The following INTS4 variants were observed in gnomAD, a reference collection of about 807,000 sequenced individuals.
The protein encoded by INTS4 is integrator complex subunit 4, also known as MSTP093.
Under a neutral mutation model 119.5 loss-of-function variants are expected in INTS4, and 70 were observed. That is an observed-to-expected ratio of 0.59 (90% CI 0.48 to 0.71). INTS4 has a LOEUF of 0.71. Among genes scored for constraint, INTS4 ranks in the 30% least tolerant of loss-of-function variants. The pLI, the probability that INTS4 is intolerant of heterozygous loss-of-function variation, is 0.00. For missense variants in INTS4, 867 were observed against 1,173.2 expected (o/e 0.74, Z 3.81); for synonymous variants, 316 against 419.6 (o/e 0.75, Z 3.02).
intron 14 of INTS4, among the ~76,000 whole-genome samples, chr11:77,919,947 T>C (rs1953300220): frequency 6.6e-6 from 1 of 152,052 alleles, no homozygotes; most frequent in Non-Finnish European, 1.5e-5. Context: ...TAGCTAGGAC[T>C]ACAGGTGCCC....
intron 18 of INTS4, among the ~76,000 whole-genome samples, chr11:77,900,100 CT>C (rs139576778): frequency 1.1e-3 from 161 of 147,230 alleles, no homozygotes; most frequent in Admixed American, 1.2e-3. Flanking sequence ...ATATGAATAT[CT>C]TTTTTTTTTT....
At chr11:77,933,384 G>C (rs1455416571) in intron 10 of INTS4, among the ~76,000 whole-genome samples, 1 of 69,748 alleles carries the variant, frequency 1.4e-5, no homozygotes, top group African/African-American at 6.1e-5. Context: ...CGCCACGTCT[G>C]ACTGGTTTTC....
intron 14 of INTS4, among the ~76,000 whole-genome samples, chr11:77,920,725 G>A (rs900249878): frequency 7.4e-4 from 113 of 151,828 alleles, no homozygotes; most frequent in Admixed American, 2.0e-3. Flanking sequence ...GGTGGCAGGC[G>A]CCTGTAGTCC....
intron 8 of INTS4, among the ~76,000 whole-genome samples, chr11:77,945,767 T>G (rs1035677585): frequency 1.3e-5 from 2 of 152,132 alleles, no homozygotes; most frequent in African/African-American, 4.8e-5. Context: ...GCCCACGCCC[T>G]GCCTGACAGC....
At chr11:77,966,685 A>G (rs1415628549) in intron 4 of INTS4, among the ~76,000 whole-genome samples, 3 of 152,172 alleles carry the variant, frequency 2.0e-5, no homozygotes, top group African/African-American at 7.2e-5. Flanking sequence ...TTTGACTACA[A>G]ATGCTTTATA....
intron 19 of INTS4, among the ~76,000 whole-genome samples, chr11:77,893,861 C>T (rs566448916): frequency 2.0e-5 from 3 of 150,176 alleles, no homozygotes; most frequent in Non-Finnish European, 3.0e-5. Flanking sequence ...CCACTGTACT[C>T]CAGCCTGGGT....
intron 18 of INTS4, 72 bp from the exon 19 acceptor site, chr11:77,894,421 C>T: frequency 1.3e-6 from 1 of 784,934 alleles, no homozygotes; most frequent in South Asian, 1.6e-5. Context: ...GTCCCAGAAA[C>T]CTGAGCCTAA....
chr11:77,929,206 T>C (rs1953586138), intron 10 of INTS4, among the ~76,000 whole-genome samples: 1 of 152,072 alleles, frequency 6.6e-6, no homozygotes, highest in Non-Finnish European at 1.5e-5. Context: ...AAGTAACTCA[T>C]ATCAAATTAA....
intron 15 of INTS4, among the ~76,000 whole-genome samples, chr11:77,912,682 A>G (rs1012784230): frequency 1.3e-5 from 2 of 152,238 alleles, no homozygotes; most frequent in African/African-American, 2.4e-5. Flanking sequence ...TAGAGCAAAA[A>G]GGAATGTTAG....
Position 77,878,762 on chromosome 11 carries a change from T to C in INTS4, c.*187A>G, listed in dbSNP as rs1356716749. On this transcript the variant is annotated 3_prime_UTR_variant, in exon 23 of 23. Coordinates refer to ENST00000534064, the MANE Select transcript of INTS4 (RefSeq NM_033547.4). Reference sequence around the variant, plus strand: ...TTATTGTGGACAGGAGAAGGGTAAGTAGACTTGAAGGTTTTTTATTTTTTA... The same window carrying C: ...TTATTGTGGACAGGAGAAGGGTAAGCAGACTTGAAGGTTTTTTATTTTTTA... The C allele has an allele frequency of 1.4e-6, 1 of 694,538 alleles. No individual in the cohort carries two copies. The highest frequency in any genetic ancestry group is 2.6e-6 in the Non-Finnish European group (1 of 384,200). 43.0% of individuals were successfully genotyped at this position (694,538 alleles called of 1,614,324 possible). A position where few individuals can be genotyped will look rare whatever the true frequency, so the allele number is the denominator to read the frequency against.
At chr11:77,934,007 AG>A (rs1407911336) in intron 10 of INTS4, among the ~76,000 whole-genome samples, 2 of 151,420 alleles carry the variant, frequency 1.3e-5, no homozygotes, top group Non-Finnish European at 2.9e-5. Flanking sequence ...GTCTGTGTAG[AG>A]GGAAGTGGAC....
At chr11:77,971,464 C>A (rs1400613048) in intron 4 of INTS4, among the ~76,000 whole-genome samples, 1 of 151,864 alleles carries the variant, frequency 6.6e-6, no homozygotes, top group Non-Finnish European at 1.5e-5. Context: ...CTGACCAACA[C>A]AGTGAAACCC....
At chr11:77,920,364 A>G (rs1953328578) in intron 14 of INTS4, among the ~76,000 whole-genome samples, 1 of 150,654 alleles carries the variant, frequency 6.6e-6, no homozygotes, top group South Asian at 2.1e-4. Flanking sequence ...GAGTCACCCA[A>G]GCAGGGATGA....
chr11:77,983,848 A>C (rs1173341700), intron 2 of INTS4, among the ~76,000 whole-genome samples: 1 of 152,168 alleles, frequency 6.6e-6, no homozygotes, highest in African/African-American at 2.4e-5. Context: ...TTAATAATAG[A>C]ATTACATATG....
chr11:77,971,135 AGTGACAGGT>A (rs1249393667), intron 4 of INTS4, among the ~76,000 whole-genome samples: 1 of 152,028 alleles, frequency 6.6e-6, no homozygotes, highest in African/African-American at 2.4e-5. Flanking sequence ...GCATTTCCCT[AGTGACAGGT>A]GATGTTAAGC....
At chr11:77,948,336 T>G (rs918450827) in intron 8 of INTS4, among the ~76,000 whole-genome samples, 6 of 152,186 alleles carry the variant, frequency 3.9e-5, no homozygotes, top group African/African-American at 1.4e-4. Context: ...AGGAATAAGA[T>G]CTTATCTATC....
chr11:77,884,516 G>C (rs1232126864), intron 21 of INTS4, among the ~76,000 whole-genome samples: 1 of 152,192 alleles, frequency 6.6e-6, no homozygotes, highest in African/African-American at 2.4e-5. Context: ...TCCCTGTGTA[G>C]ACAGCCTACT....
intron 2 of INTS4, 45 bp downstream of exon 2, chr11:77,991,063 C>A: frequency 6.6e-7 from 1 of 1,518,972 alleles, no homozygotes; most frequent in South Asian, 1.1e-5. Context: ...AGACATGATA[C>A]AACTCCCATG....
At chr11:77,878,587 G>A (rs1951672596), downstream of INTS4, 29 of 551,928 alleles carry the variant, frequency 5.3e-5, no homozygotes, top group East Asian at 8.5e-4. Flanking sequence ...TAAGACTATA[G>A]CTCAAATAAC....
Sources: allele counts gnomAD v4.1 joint callset (sites outside exome capture counted in the v4.1 genomes callset), GRCh38; gene constraint gnomAD v4.1.1; transcripts MANE v1.5; gene names NCBI Gene and HGNC (gene_info 2026-07-23, HGNC 2026-07-21).